RFFL: variants seen among roughly 807,000 people sequenced by gnomAD.
RFFL encodes the protein ring finger and FYVE like domain containing E3 ubiquitin protein ligase, also known as E3 ubiquitin-protein ligase rififylin.
In RFFL, 16 loss-of-function variants were observed where a neutral mutation model predicts 40.4. The observed-to-expected ratio is 0.40, with a 90% CI of 0.27 to 0.60. RFFL has a LOEUF of 0.60. RFFL is among the 20% of genes least tolerant of loss of function. The pLI is 0.47. For missense variants in RFFL, 367 were observed against 451.7 expected, an observed-to-expected ratio of 0.81 and a Z score of 1.70; for synonymous variants, 154 against 167.9, an observed-to-expected ratio of 0.92 and a Z score of 0.64.
intron 1 of RFFL, among the ~76,000 whole-genome samples, chr17:35,041,605 T>C (rs1458784664): frequency 6.6e-6 from 1 of 150,486 alleles, no homozygotes; most frequent in Non-Finnish European, 1.5e-5. Context: ...ACCTTTCGGT[T>C]CTTCACACCG....
intron 1 of RFFL, among the ~76,000 whole-genome samples, chr17:35,040,950 C>T (rs186858875): frequency 7.5e-5 from 11 of 146,558 alleles, no homozygotes; most frequent in African/African-American, 2.8e-4. Context: ...TTGATCATAG[C>T]TCACTGTAAT....
At chr17:35,028,151 A>G (rs1180887362) in intron 1 of RFFL, among the ~76,000 whole-genome samples, 1 of 152,072 alleles carries the variant, frequency 6.6e-6, no homozygotes, top group Non-Finnish European at 1.5e-5. Context: ...TCTGGCCAAC[A>G]TGGCAAAATC....
chr17:35,081,155 G>A (rs1296490623), intron 1 of RFFL, among the ~76,000 whole-genome samples: 1 of 152,150 alleles, frequency 6.6e-6, no homozygotes, highest in Admixed American at 6.6e-5. Context: ...AAAAAAAGTG[G>A]GGGTTAGTAG....
chr17:35,069,740 C>T (rs1034065751), intron 1 of RFFL: 1 of 154,776 alleles, frequency 6.5e-6, no homozygotes, highest in Non-Finnish European at 1.4e-5. Context: ...CAGTATTCTA[C>T]TGATTTACTC....
chr17:35,047,490 T>C (rs956981933), intron 1 of RFFL, among the ~76,000 whole-genome samples: 11 of 152,216 alleles, frequency 7.2e-5, no homozygotes, highest in East Asian at 1.9e-4. Flanking sequence ...TCAACAGAAA[T>C]TGGCTGTAAA....
At chr17:35,085,076 T>C (rs1437750027) in intron 1 of RFFL, among the ~76,000 whole-genome samples, 2 of 152,158 alleles carry the variant, frequency 1.3e-5, no homozygotes, top group Non-Finnish European at 2.9e-5. Context: ...CTCCAGGAAG[T>C]GGGGCTGGGA....
chr17:35,060,791 G>C (rs1448017199), intron 1 of RFFL, among the ~76,000 whole-genome samples: 1 of 152,150 alleles, frequency 6.6e-6, no homozygotes, highest in Non-Finnish European at 1.5e-5. Flanking sequence ...TGAGCCCGGA[G>C]ATCCACGTCA....
At chr17:35,086,842 A>G (rs1374193061) in intron 1 of RFFL, among the ~76,000 whole-genome samples, 1 of 152,238 alleles carries the variant, frequency 6.6e-6, no homozygotes, top group East Asian at 1.9e-4. Context: ...TTCTATGACA[A>G]GAATAAAAAA....
At chr17:35,055,697 CA>C (rs545193320) in intron 1 of RFFL, among the ~76,000 whole-genome samples, 20 of 142,296 alleles carry the variant, frequency 1.4e-4, no homozygotes, top group South Asian at 1.3e-3. Context: ...AACAAACAAA[CA>C]AAAAAAAAAC....
At chr17:35,060,580 A>G (rs955893183) in intron 1 of RFFL, among the ~76,000 whole-genome samples, 1 of 152,176 alleles carries the variant, frequency 6.6e-6, no homozygotes, top group Non-Finnish European at 1.5e-5. Flanking sequence ...ATAATTTTGT[A>G]AAACACCATA....
chr17:35,037,675 T>C (rs546214393), intron 1 of RFFL, among the ~76,000 whole-genome samples: 1 of 152,306 alleles, frequency 6.6e-6, no homozygotes, highest in Admixed American at 6.5e-5. Flanking sequence ...AGTAACTTGT[T>C]AAAGGTCACA....
At position 35,012,030 on chromosome 17, in the gene RFFL, T is replaced by A; in HGVS notation, c.1030A>T (p.Met344Leu). 1 of 1,614,202 alleles carries A rather than the reference T, an allele frequency of 6.2e-7. No individual in the cohort carries two copies. ...TGCCGGCAGATGGGACATTCATTCA[T>A]GCGCTTGCCACACTTGGTACAGGTT... ...MVTCTKCGKR[M>L]NECPICRQYV... Residue 344 changes from methionine to leucine, a missense_variant, in exon 7 of 7, where the codon ATG (methionine) becomes TTG (leucine). Transcript: ENST00000394597.
rs114191899 is a variant in RFFL, at chr17:35,015,485, C to G, written c.887-722G>C. Reference sequence around the variant, plus strand: ...GGTCCTGACGACTGGAGAGAAGACTCTTGAAACAATCCCAAAGGGAAAACA... The same window carrying G: ...GGTCCTGACGACTGGAGAGAAGACTGTTGAAACAATCCCAAAGGGAAAACA... On this transcript the variant is annotated intron_variant, in intron 5 of 6. Coordinates refer to ENST00000394597, the MANE Select transcript of RFFL (RefSeq NM_001017368.2). Among the ~76,000 whole-genome samples the G allele has an allele frequency of 3.7e-3, 565 of 152,330 alleles. 6 individuals carry two copies. The highest frequency in any genetic ancestry group is 0.013 in the African/African-American group (534 of 41,572).
chr17:35,014,185 G>A (rs988527280), intron 6 of RFFL, among the ~76,000 whole-genome samples: 3 of 152,126 alleles, frequency 2.0e-5, no homozygotes, highest in Admixed American at 1.3e-4. Context: ...GCCCAGTGGT[G>A]GTCTTTAAGT....
chr17:35,087,795 T>C (rs985765420), intron 1 of RFFL, among the ~76,000 whole-genome samples: 4 of 152,198 alleles, frequency 2.6e-5, no homozygotes, highest in African/African-American at 9.7e-5. Context: ...TTAGGAAATA[T>C]ACAATAAAAG....
intron 1 of RFFL, among the ~76,000 whole-genome samples, chr17:35,045,289 G>C (rs2091192385): frequency 6.6e-6 from 1 of 151,766 alleles, no homozygotes; most frequent in South Asian, 2.1e-4. Context: ...CTAGAGTGCA[G>C]TAGCATGATC....
chr17:35,041,589 AGT>A (rs113147695), intron 1 of RFFL, among the ~76,000 whole-genome samples: 38,029 of 147,770 alleles, frequency 0.26, 8,417 homozygotes, highest in African/African-American at 0.61. Context: ...ACCGAAAGGT[AGT>A]GTGACCTTTC....
At chr17:35,051,382 C>A (rs996651637) in intron 1 of RFFL, among the ~76,000 whole-genome samples, 1 of 152,196 alleles carries the variant, frequency 6.6e-6, no homozygotes, top group African/African-American at 2.4e-5. Flanking sequence ...CACTTGACTT[C>A]CTGTTTTGGG....
intron 2 of RFFL, chr17:35,025,302 C>T (rs1026682788): frequency 2.0e-5 from 3 of 152,264 alleles, no homozygotes; most frequent in African/African-American, 4.8e-5. Flanking sequence ...GTTTGAATCC[C>T]GGCTCTGTCA....
Sources: allele counts gnomAD v4.1 joint callset (sites outside exome capture counted in the v4.1 genomes callset), GRCh38; gene constraint gnomAD v4.1.1; transcripts MANE v1.5; gene names NCBI Gene and HGNC (gene_info 2026-07-23, HGNC 2026-07-21).